The following PCNX2 variants were observed in gnomAD, a reference collection of about 807,000 sequenced individuals.
PCNX2 encodes pecanex-like protein 2.
PCNX2 carries 168 observed loss-of-function variants against 223.8 expected under a neutral mutation model. The observed-to-expected ratio is 0.75, with a 90% CI of 0.66 to 0.85. The LOEUF is 0.85. Among genes scored for constraint, PCNX2 ranks in the 40% least tolerant of loss-of-function variants. The pLI is 0.00. For missense variants in PCNX2, 2,507 were observed against 2,675.5 expected (o/e 0.94, Z 1.39); for synonymous variants, 1,006 against 1,052.6 (o/e 0.96, Z 0.86).
intron 27 of PCNX2, among the ~76,000 whole-genome samples, chr1:233,015,852 G>A (rs1670638774): frequency 6.6e-6 from 1 of 151,868 alleles, no homozygotes; most frequent in African/African-American, 2.4e-5. Flanking sequence ...CCAGCCTAAG[G>A]AGAGTGAGAC....
intron 28 of PCNX2, among the ~76,000 whole-genome samples, chr1:233,002,045 C>T (rs549550545): frequency 6.6e-6 from 1 of 152,308 alleles, no homozygotes; most frequent in South Asian, 2.1e-4. Flanking sequence ...AGACGACCAG[C>T]TCCCCAGAGA....
chr1:233,296,869 AG>A (rs1195991920), upstream of PCNX2, among the ~76,000 whole-genome samples: 1 of 152,246 alleles, frequency 6.6e-6, no homozygotes, highest in Non-Finnish European at 1.5e-5. Flanking sequence ...AGATAAGGAC[AG>A]GCCCATCATG....
At chr1:233,319,009 G>A in the PCNX2 span, among the ~76,000 whole-genome samples, 30 of 152,114 alleles carry the variant, frequency 2.0e-4, 1 homozygote, top group South Asian at 6.0e-3. Flanking sequence ...AGGAATCCAG[G>A]ACATTTGTCC....
intron 21 of PCNX2, among the ~76,000 whole-genome samples, chr1:233,118,412 C>T (rs1218547862): frequency 7.1e-6 from 1 of 140,304 alleles, no homozygotes; most frequent in Non-Finnish European, 1.5e-5. Flanking sequence ...AAAATGTAAG[C>T]AGATCAGAAA....
chr1:233,146,786 T>C (rs1677476256), intron 19 of PCNX2, among the ~76,000 whole-genome samples: 1 of 152,200 alleles, frequency 6.6e-6, no homozygotes, highest in Non-Finnish European at 1.5e-5. Context: ...GGGCACCATT[T>C]GGATGGGGGA....
At chr1:233,313,721 A>T in the PCNX2 span, among the ~76,000 whole-genome samples, 1 of 152,226 alleles carries the variant, frequency 6.6e-6, no homozygotes, top group African/African-American at 2.4e-5. Context: ...GTAAGAAAAG[A>T]CCAACCAAAA....
intron 28 of PCNX2, among the ~76,000 whole-genome samples, chr1:233,006,733 C>T (rs1178155436): frequency 6.6e-6 from 1 of 152,174 alleles, no homozygotes; most frequent in African/African-American, 2.4e-5. Context: ...CAGGCCTGTA[C>T]ATACTATGTT....
chr1:233,081,693 A>G (rs2102923009), intron 23 of PCNX2, among the ~76,000 whole-genome samples: 1 of 152,332 alleles, frequency 6.6e-6, no homozygotes, highest in Non-Finnish European at 1.5e-5. Context: ...GATGAGTATG[A>G]AAACTCAAAG....
intron 12 of PCNX2, among the ~76,000 whole-genome samples, chr1:233,217,507 T>C (rs866737255): frequency 3.9e-5 from 6 of 152,166 alleles, no homozygotes; most frequent in African/African-American, 1.4e-4. Flanking sequence ...ATAGGGAAAC[T>C]GAGGCATGAA....
rs187337648 is a variant in PCNX2, at chr1:233,078,774, T to C, written c.4076+11287A>G. On this transcript the variant is annotated intron_variant, in intron 23 of 33. Transcript: ENST00000258229. The stretch of plus-strand genomic sequence containing the variant: ...AAAACTAACAGGACCCTGAGTAAAA[T>C]TATGCACAACAGCACAATGCATAAT... 1.4e-4 allele frequency among the ~76,000 whole-genome samples: 22 copies of C among 152,312 alleles called. 1 individual carries two copies. The highest frequency in any genetic ancestry group is 1.3e-3 in the Admixed American group (20 of 15,302).
chr1:233,225,060 T>A (rs1657615359), intron 10 of PCNX2, among the ~76,000 whole-genome samples: 1 of 134,898 alleles, frequency 7.4e-6, no homozygotes, highest in Admixed American at 8.8e-5. Context: ...GGCACATGTA[T>A]ACCTGTGTAA....
chr1:233,119,594 A>G (rs1462091748), intron 21 of PCNX2, among the ~76,000 whole-genome samples: 2 of 132,224 alleles, frequency 1.5e-5, no homozygotes, highest in Non-Finnish European at 3.3e-5. Context: ...CAAAAAAAAA[A>G]AAACAAAAAC....
At chr1:233,187,658 C>A (rs1476789945) in intron 15 of PCNX2, among the ~76,000 whole-genome samples, 1 of 152,160 alleles carries the variant, frequency 6.6e-6, no homozygotes, top group Non-Finnish European at 1.5e-5. Flanking sequence ...TCAGCTGACA[C>A]CATCAAGCTT....
intron 21 of PCNX2, among the ~76,000 whole-genome samples, chr1:233,105,238 G>C (rs1468896289): frequency 3.9e-5 from 6 of 152,142 alleles, no homozygotes; most frequent in Admixed American, 6.5e-5. Flanking sequence ...ACTTCATAAT[G>C]ATATAGTATT....
chr1:233,300,281 A>G (rs530200278), upstream of PCNX2, among the ~76,000 whole-genome samples: 106 of 152,360 alleles, frequency 7.0e-4, no homozygotes, highest in African/African-American at 2.5e-3. Context: ...ATTTTTGCAC[A>G]TCATTTTCTG....
chr1:233,183,617 T>G (rs1679934435), intron 15 of PCNX2, among the ~76,000 whole-genome samples: 1 of 152,134 alleles, frequency 6.6e-6, no homozygotes, highest in African/African-American at 2.4e-5. Flanking sequence ...GAAACTTGAG[T>G]TTTATGCTTT....
chr1:233,263,177 A>AG lies in PCNX2; in HGVS notation c.154-15_154-14insC. ...TGGAGGAAAAGCCTGAAGAAAGGAA[A>AG]AGACAGAGAAAAATCATTTGCTTTT... On this transcript the variant is annotated splice_polypyrimidine_tract_variant and intron_variant, in intron 1 of 33. Transcript: ENST00000258229. The AG allele has an allele frequency of 2.1e-5, 33 of 1,556,200 alleles. No individual in the cohort carries two copies. The highest frequency in any genetic ancestry group is 2.9e-5 in the Non-Finnish European group (33 of 1,147,668).
At chr1:233,088,679 G>A (rs1458473786) in intron 23 of PCNX2, among the ~76,000 whole-genome samples, 1 of 152,130 alleles carries the variant, frequency 6.6e-6, no homozygotes, top group Non-Finnish European at 1.5e-5. Context: ...TCACGGGCCC[G>A]AAGTAGGGCT....
At chr1:233,166,862 C>T (rs566293679) in intron 17 of PCNX2, among the ~76,000 whole-genome samples, 2 of 152,082 alleles carry the variant, frequency 1.3e-5, no homozygotes, top group East Asian at 1.9e-4. Context: ...TAAAAATAGG[C>T]CAGGTGTGTT....
Sources: gnomAD v4.1 joint callset for allele counts (sites outside exome capture counted in the v4.1 genomes callset) on GRCh38, gnomAD v4.1.1 for gene constraint, MANE v1.5 for transcripts, NCBI Gene and HGNC (gene_info 2026-07-23, HGNC 2026-07-21) for gene names.